PPIC: variants seen among roughly 807,000 people sequenced by gnomAD.
PPIC encodes the protein peptidylprolyl isomerase C.
Under a neutral mutation model 19.5 loss-of-function variants are expected in PPIC, and 19 were observed. That is an observed-to-expected ratio of 0.98 (90% CI 0.68 to 1.43). PPIC has a LOEUF of 1.43. PPIC is among the 40% of genes most tolerant of loss of function. PPIC has a pLI of 0.00. For missense variants in PPIC, 268 were observed against 268.6 expected, an observed-to-expected ratio of 1.00 and a Z score of 0.02; for synonymous variants, 107 against 101.2, an observed-to-expected ratio of 1.06 and a Z score of -0.34.
At chr5:123,025,656 A>T in intron 4 of PPIC, 128 bp downstream of exon 4, 1 of 916,256 alleles carries the variant, frequency 1.1e-6, no homozygotes, top group Non-Finnish European at 1.6e-6. Context: ...TAATTTATTC[A>T]CCTTTGAAGA....
chr5:123,026,627 G>A (rs1762858530), intron 3 of PPIC, among the ~76,000 whole-genome samples: 1 of 152,242 alleles, frequency 6.6e-6, no homozygotes, highest in Non-Finnish European at 1.5e-5. Flanking sequence ...TGATCTGGAA[G>A]TTGTTGGTCA....
Position 123,036,433 on chromosome 5 carries a change from C to A in PPIC, c.117+76G>T, listed in dbSNP as rs928477018. ...GCCTCCACCTCGCCCGCCCTGACAC[C>A]GAGGTCCCAGTATCCAAAGCGCCCC... is the stretch of plus-strand genomic sequence containing the variant. On this transcript the variant is annotated intron_variant, in intron 1 of 4. Transcript: ENST00000306442. This position sits in a 1 kb window ranked among gnomAD's most constrained non-coding sequence, Gnocchi z 4.5. 13 of 1,349,432 alleles carry A rather than the reference C, an allele frequency of 9.6e-6. No homozygotes were observed. Among genetic ancestry groups the A allele is most frequent in the Non-Finnish European group, 1.3e-5 (13 of 964,094 alleles). The allele number at this position is 1,349,432 out of a possible 1,614,324, so 83.6% of individuals were successfully genotyped here.
intron 1 of PPIC, among the ~76,000 whole-genome samples, chr5:123,029,693 G>C (rs1333597459): frequency 6.6e-6 from 1 of 152,188 alleles, no homozygotes; most frequent in Admixed American, 6.5e-5. Context: ...AACTCTGTCA[G>C]TGTTGGCCAA....
intron 1 of PPIC, among the ~76,000 whole-genome samples, chr5:123,034,275 G>A (rs572661951): frequency 7.9e-5 from 12 of 152,270 alleles, no homozygotes; most frequent in African/African-American, 2.6e-4. Flanking sequence ...TGTTTAAGAC[G>A]CACCTACACA....
At chr5:123,031,848 G>A (rs1044734055) in intron 1 of PPIC, among the ~76,000 whole-genome samples, 3 of 152,206 alleles carry the variant, frequency 2.0e-5, no homozygotes, top group Non-Finnish European at 4.4e-5. Flanking sequence ...CTAGGCTGGA[G>A]TGCAGTGGCA....
intron 4 of PPIC, among the ~76,000 whole-genome samples, chr5:123,025,003 T>C (rs1490650283): frequency 6.6e-6 from 1 of 152,224 alleles, no homozygotes; most frequent in African/African-American, 2.4e-5. Context: ...TTGACATTCT[T>C]TGAGACCCAA....
intron 4 of PPIC, 118 bp downstream of exon 4, chr5:123,025,666 A>G: frequency 9.8e-7 from 1 of 1,018,512 alleles, no homozygotes; most frequent in Non-Finnish European, 1.4e-6. Flanking sequence ...ACCTTTGAAG[A>G]GGCCAGTCAG....
At chr5:123,031,438 G>A (rs1762939748) in intron 1 of PPIC, among the ~76,000 whole-genome samples, 1 of 152,176 alleles carries the variant, frequency 6.6e-6, no homozygotes, top group South Asian at 2.1e-4. Context: ...GGATGGGGGT[G>A]AGCCTTGCCT....
At position 123,023,769 on chromosome 5, in the gene PPIC, AAGT is replaced by A; in HGVS notation, c.*103_*105del. On this transcript the variant is annotated 3_prime_UTR_variant, in exon 5 of 5. Transcript: ENST00000306442. ...TGATCTGGGATAGAATACAAAAAGAAAGTAAAAAAAAAAAAGCAAATAATTGAA... is the reference window on the plus strand; with the variant it reads ...TGATCTGGGATAGAATACAAAAAGAAAAAAAAAAAAAAGCAAATAATTGAA... The A allele has an allele frequency of 7.0e-7, 1 of 1,419,440 alleles. No homozygotes were observed. The highest frequency in any genetic ancestry group is 2.4e-5 in the East Asian group (1 of 41,114). The allele number at this position is 1,419,440 out of a possible 1,614,324, so 87.9% of individuals were successfully genotyped here. A position where few individuals can be genotyped will look rare whatever the true frequency, so the allele number is the denominator to read the frequency against.
intron 1 of PPIC, among the ~76,000 whole-genome samples, chr5:123,031,577 C>A (rs879404555): frequency 1.1e-4 from 17 of 152,120 alleles, no homozygotes; most frequent in Non-Finnish European, 2.2e-4. Context: ...AGCTGCCCAC[C>A]AGTTCCAGAA....
At chr5:123,029,081 A>C in intron 2 of PPIC, 1 of 919,872 alleles carries the variant, frequency 1.1e-6, no homozygotes, top group South Asian at 1.8e-5. Context: ...GAATAAGTTA[A>C]AAGAGAGCAA....
Position 123,029,319 on chromosome 5 carries a change from G to A in PPIC, c.217C>T (p.Leu73=), listed in dbSNP as rs150587688. 5 of 1,613,866 alleles carry A rather than the reference G, an allele frequency of 3.1e-6. No homozygotes were observed. The African/African-American group carries it at 6.7e-5, about 22-fold the overall frequency. Residue 73 remains leucine, a synonymous_variant, in exon 2 of 5, where the codon CTA becomes TTA. Coordinates refer to ENST00000306442, the MANE Select transcript of PPIC (RefSeq NM_000943.5). ...TTGAGACATACCTCTCCTGTTGCTA[G>A]AGCAACAAAATTTTCCACTGTCTTG... ...VPKTVENFVA[L]ATGEKGYGYK... is the part of the protein sequence containing the mutation.
rs80327198 is a variant in PPIC at position 123,033,574 on chromosome 5, G to A, written c.117+2935C>T. ...GAATCTTACAGCTCATAGCAGAGCC[G>A]TGAGCTAAATAAACCTTTTTTCTTC... On this transcript the variant is annotated intron_variant, in intron 1 of 4. Transcript: ENST00000306442. 4.8e-4 allele frequency among the ~76,000 whole-genome samples: 73 copies of A among 152,316 alleles called. No homozygotes were observed. The East Asian group carries it at 0.012, about 26-fold the overall frequency.
At position 123,023,378 on chromosome 5, in the gene PPIC, AAG is replaced by A. The variant is rs1236582437; in HGVS notation, c.*495_*496del. The A allele has an allele frequency of 2.6e-5, 4 of 152,228 alleles. No individual in the cohort carries two copies. The highest frequency in any genetic ancestry group is 5.9e-5 in the Non-Finnish European group (4 of 68,070). 9.4% of individuals were successfully genotyped at this position (152,228 alleles called of 1,614,324 possible). On this transcript the variant is annotated 3_prime_UTR_variant, in exon 5 of 5. Coordinates refer to ENST00000306442, the MANE Select transcript of PPIC (RefSeq NM_000943.5). ...TTACATTTTTAAAAAGTCTTGCAAA[AAG>A]AGTTGATCTAAAAGTATTTAATATA...
rs982454275 is a variant in PPIC at position 123,036,334 on chromosome 5, C to T, written c.117+175G>A. ...CTCCCCCAGGGTCTCCCCCGGAGCG[C>T]CGGCCTCCCAGCACGCGAGCAGCCC... On this transcript the variant is annotated intron_variant, in intron 1 of 4. Transcript: ENST00000306442. This position sits in a 1 kb window ranked among gnomAD's most constrained non-coding sequence, Gnocchi z 4.5. The T allele has an allele frequency of 2.1e-5, 13 of 617,372 alleles. No homozygotes were observed. Among genetic ancestry groups the T allele is most frequent in the East Asian group, 2.8e-5 (1 of 35,110 alleles). 38.2% of individuals were successfully genotyped at this position (617,372 alleles called of 1,614,324 possible). A position where few individuals can be genotyped will look rare whatever the true frequency, so the allele number is the denominator to read the frequency against.
chr5:123,026,047 G>T (rs1762848403), intron 3 of PPIC, 79 bp from the exon 4 acceptor site: 1 of 1,257,436 alleles, frequency 8.0e-7, no homozygotes, highest in African/African-American at 1.5e-5. Flanking sequence ...GGCCTTAGAG[G>T]AATCAATTAC....
chr5:123,023,369 T>C lies in PPIC; in HGVS notation c.*506A>G, dbSNP rs1425668673. On this transcript the variant is annotated 3_prime_UTR_variant, in exon 5 of 5. Transcript: ENST00000306442. Reference sequence around the variant, plus strand: ...TAAAGAACTTTACATTTTTAAAAAGTCTTGCAAAAAGAGTTGATCTAAAAG... The same window carrying C: ...TAAAGAACTTTACATTTTTAAAAAGCCTTGCAAAAAGAGTTGATCTAAAAG... 1 of 152,218 alleles carries C rather than the reference T, an allele frequency of 6.6e-6. No individual in the cohort carries two copies. Among genetic ancestry groups the C allele is most frequent in the African/African-American group, 2.4e-5 (1 of 41,452 alleles). The allele number at this position is 152,218 out of a possible 1,614,324, so 9.4% of individuals were successfully genotyped here. A position where few individuals can be genotyped will look rare whatever the true frequency, so the allele number is the denominator to read the frequency against.
intron 1 of PPIC, among the ~76,000 whole-genome samples, chr5:123,034,111 G>A (rs990524645): frequency 2.0e-5 from 3 of 152,174 alleles, no homozygotes; most frequent in Non-Finnish European, 4.4e-5. Flanking sequence ...GAAATCAGAG[G>A]TAAACAAAAA....
At chr5:123,027,838 A>C (rs1762883239) in intron 3 of PPIC, among the ~76,000 whole-genome samples, 1 of 152,250 alleles carries the variant, frequency 6.6e-6, no homozygotes, top group South Asian at 2.1e-4. Context: ...TTGGAGTTAC[A>C]TATATGGTGT....
Sources: gnomAD v4.1 joint callset for allele counts (sites outside exome capture counted in the v4.1 genomes callset) on GRCh38, gnomAD v4.1.1 for gene constraint, Gnocchi (gnomAD v3.1) non-coding constraint, MANE v1.5 for transcripts, NCBI Gene and HGNC (gene_info 2026-07-23, HGNC 2026-07-21) for gene names.